Variants in MEI4 observed in about 807,000 individuals in gnomAD.
The protein encoded by MEI4 is meiosis-specific protein MEI4.
Under a neutral mutation model 31.4 loss-of-function variants are expected in MEI4, and 27 were observed. The ratio of observed to expected loss-of-function variants is 0.86; its 90% CI spans 0.63 to 1.19. The LOEUF is 1.19. Ranked by LOEUF, MEI4 falls within the 50% of genes most tolerant of loss-of-function variation. The pLI is 0.00. For missense variants in MEI4, 329 were observed against 398.9 expected, an observed-to-expected ratio of 0.82 and a Z score of 1.49; for synonymous variants, 122 against 145.4, an observed-to-expected ratio of 0.84 and a Z score of 1.16.
chr6:77,818,099 A>AT (rs373637220), intron 3 of MEI4, among the ~76,000 whole-genome samples: 2 of 152,074 alleles, frequency 1.3e-5, no homozygotes, highest in Admixed American at 6.6e-5. Context: ...TGTTTTCTGC[A>AT]TTTTTTTGTT....
At chr6:77,918,096 C>T (rs1370893751) in intron 4 of MEI4, among the ~76,000 whole-genome samples, 13 of 150,308 alleles carry the variant, frequency 8.6e-5, no homozygotes, top group African/African-American at 2.7e-4. Flanking sequence ...GGCGTTATTT[C>T]TGAGGGCTCT....
At chr6:77,745,618 A>T (rs1281071543) in intron 2 of MEI4, among the ~76,000 whole-genome samples, 1 of 152,204 alleles carries the variant, frequency 6.6e-6, no homozygotes, top group East Asian at 1.9e-4. Context: ...CACCAAGCAG[A>T]CATAATAGAC....
At chr6:77,784,283 G>T (rs1389951248) in intron 3 of MEI4, among the ~76,000 whole-genome samples, 1 of 152,076 alleles carries the variant, frequency 6.6e-6, no homozygotes, top group Non-Finnish European at 1.5e-5. Context: ...TTTAATATGG[G>T]TACTACTGAA....
intron 2 of MEI4, among the ~76,000 whole-genome samples, chr6:77,737,969 G>T (rs1767296638): frequency 6.6e-6 from 1 of 152,182 alleles, no homozygotes; most frequent in African/African-American, 2.4e-5. Context: ...GAAAGCTGGT[G>T]ACTTGAACTT....
chr6:77,921,780 G>T (rs1308963925), intron 4 of MEI4, among the ~76,000 whole-genome samples: 1 of 151,754 alleles, frequency 6.6e-6, no homozygotes, highest in Non-Finnish European at 1.5e-5. Flanking sequence ...AGGGAGATAG[G>T]TAATGGCCAA....
At chr6:77,696,217 C>A (rs1766035972) in intron 2 of MEI4, among the ~76,000 whole-genome samples, 1 of 152,120 alleles carries the variant, frequency 6.6e-6, no homozygotes, top group African/African-American at 2.4e-5. Flanking sequence ...CAAACAGGGA[C>A]AATTTGACTT....
At chr6:77,840,436 A>G (rs1221080919) in intron 4 of MEI4, among the ~76,000 whole-genome samples, 1 of 152,174 alleles carries the variant, frequency 6.6e-6, no homozygotes, top group African/African-American at 2.4e-5. Flanking sequence ...ACAAAAGTAT[A>G]TTTGAAAATA....
intron 2 of MEI4, among the ~76,000 whole-genome samples, chr6:77,717,059 G>A (rs13219568): frequency 0.023 from 3,102 of 132,436 alleles, 82 homozygotes; most frequent in East Asian, 0.095. Flanking sequence ...AAGGGGACCC[G>A]GGGAACCAGC....
At chr6:77,782,366 C>G (rs1768615242) in intron 3 of MEI4, among the ~76,000 whole-genome samples, 1 of 152,080 alleles carries the variant, frequency 6.6e-6, no homozygotes, top group Admixed American at 6.6e-5. Context: ...TTCATATACT[C>G]ACAGCTTTTA....
intron 2 of MEI4, among the ~76,000 whole-genome samples, chr6:77,695,913 ATTTG>A (rs1203500780): frequency 6.6e-6 from 1 of 152,130 alleles, no homozygotes; most frequent in African/African-American, 2.4e-5. Context: ...ATGGTCTTCT[ATTTG>A]TTTGTGTCCT....
intron 4 of MEI4, among the ~76,000 whole-genome samples, chr6:77,856,772 A>C (rs1182753121): frequency 1.3e-5 from 2 of 151,750 alleles, no homozygotes; most frequent in African/African-American, 4.8e-5. Context: ...CATCTTATCC[A>C]CCGACCTAAG....
chr6:77,852,964 C>G (rs572185332), intron 4 of MEI4, among the ~76,000 whole-genome samples: 5 of 152,010 alleles, frequency 3.3e-5, no homozygotes, highest in African/African-American at 9.7e-5. Flanking sequence ...TTTGGGAGGC[C>G]GAGGCAGGCG....
At chr6:77,654,281 T>A (rs936981099) in intron 1 of MEI4, among the ~76,000 whole-genome samples, 2 of 152,198 alleles carry the variant, frequency 1.3e-5, no homozygotes, top group African/African-American at 4.8e-5. Context: ...TTTTGTTGAC[T>A]GTTATATCCC....
chr6:77,832,166 T>G (rs1027793652), intron 4 of MEI4, among the ~76,000 whole-genome samples: 2 of 152,050 alleles, frequency 1.3e-5, no homozygotes, highest in Non-Finnish European at 2.9e-5. Context: ...TTTTCCAACC[T>G]AAAGTAAATA....
intron 4 of MEI4, among the ~76,000 whole-genome samples, chr6:77,839,794 A>C (rs1356728076): frequency 6.6e-6 from 1 of 152,176 alleles, no homozygotes; most frequent in Non-Finnish European, 1.5e-5. Context: ...AAAGAAAATC[A>C]ATATTCTATA....
In MEI4 at chr6:77,809,839, G is replaced by GA. The variant is rs377072148; in HGVS notation, c.769-19083dup. On this transcript the variant is annotated intron_variant, in intron 3 of 4. Coordinates refer to ENST00000684080, the MANE Select transcript of MEI4 (RefSeq NM_001322247.2). ...AGAATATCTGAGACATGCTTATATT[G>GA]AAAAAAAAATCATTGTTTATTTGAA... 1.8e-3 allele frequency among the ~76,000 whole-genome samples: 267 copies of GA among 150,742 alleles called. 1 individual carries two copies. Among genetic ancestry groups the GA allele is most frequent in the Middle Eastern group, 3.4e-3 (1 of 290 alleles).
Position 77,656,208 on chromosome 6 carries a change from T to G in MEI4, c.-15+3116T>G, listed in dbSNP as rs560682399. 3.3e-5 allele frequency among the ~76,000 whole-genome samples: 5 copies of G among 152,272 alleles called. No individual in the cohort carries two copies. In the East Asian group the frequency reaches 7.7e-4, roughly 23 times the overall value. On this transcript the variant is annotated intron_variant, in intron 1 of 4. Transcript: ENST00000684080. The stretch of plus-strand genomic sequence containing the variant: ...CAACACATTAGGAAGTAATTTTGAT[T>G]GTTGGAGAGAGAGATATGGCTTTCT...
At position 77,887,182 on chromosome 6, in the gene MEI4, GT is replaced by G. The variant is rs762928422; in HGVS notation, c.901-35897del. ...TTTCCATTTTATTTTGTTTCAAGAGGTTTTTTTTTTCCTTCTTAATTTTTTC... is the reference window on the plus strand; with the variant it reads ...TTTCCATTTTATTTTGTTTCAAGAGGTTTTTTTTTCCTTCTTAATTTTTTC... On this transcript the variant is annotated intron_variant, in intron 4 of 4. Transcript: ENST00000684080. Among the ~76,000 whole-genome samples, 701 of 143,256 alleles carry G rather than the reference GT, an allele frequency of 4.9e-3. 3 individuals are homozygous for G. Among genetic ancestry groups the G allele is most frequent in the East Asian group, 0.024 (115 of 4,804 alleles). The allele number at this position is 143,256 out of a possible 152,430, so 94.0% of individuals were successfully genotyped here.
chr6:77,922,245 T>TC (rs1360414650), intron 4 of MEI4, among the ~76,000 whole-genome samples: 1 of 151,434 alleles, frequency 6.6e-6, no homozygotes, highest in Non-Finnish European at 1.5e-5. Flanking sequence ...TTTCTTTTTT[T>TC]CTCAATGTTA....
Sources: gnomAD v4.1 joint callset for allele counts (sites outside exome capture counted in the v4.1 genomes callset) on GRCh38, gnomAD v4.1.1 for gene constraint, MANE v1.5 for transcripts, NCBI Gene and HGNC (gene_info 2026-07-23, HGNC 2026-07-21) for gene names.